Variants in GPR107 observed in about 807,000 individuals in gnomAD.
GPR107 encodes the protein protein GPR107.
Under a neutral mutation model 75.5 loss-of-function variants are expected in GPR107, and 31 were observed. The ratio of observed to expected loss-of-function variants is 0.41; its 90% CI spans 0.31 to 0.55. The LOEUF (loss-of-function observed/expected upper bound fraction) is 0.55, where lower values mean the gene tolerates loss of function less well. Ranked by LOEUF, GPR107 falls within the 20% of genes least tolerant of loss-of-function variation. GPR107 has a pLI of 0.26. For missense variants in GPR107, 572 were observed against 665.7 expected, an observed-to-expected ratio of 0.86 and a Z score of 1.55; for synonymous variants, 267 against 251.3, an observed-to-expected ratio of 1.06 and a Z score of -0.59.
chr9:130,085,535 C>T (rs1159072370), intron 6 of GPR107, among the ~76,000 whole-genome samples: 1 of 151,212 alleles, frequency 6.6e-6, no homozygotes, highest in African/African-American at 2.4e-5. Flanking sequence ...TATCCATCAC[C>T]CCAAAAATTT....
In GPR107 at chr9:130,100,493, G is replaced by C. The variant is rs1830996467; in HGVS notation, c.940-136G>C. 1.3e-5 allele frequency: 9 copies of C among 695,882 alleles called. No homozygotes were observed. The East Asian group carries it at 2.3e-4, about 18-fold the overall frequency. The allele number at this position is 695,882 out of a possible 1,614,324, so 43.1% of individuals were successfully genotyped here. A position where few individuals can be genotyped will look rare whatever the true frequency, so the allele number is the denominator to read the frequency against. ...ACTTGAAAGTGGCCTCCTTGGAAAAGGCAATAATATATCCAGTGGCAGCGT... is the reference window on the plus strand; with the variant it reads ...ACTTGAAAGTGGCCTCCTTGGAAAACGCAATAATATATCCAGTGGCAGCGT... On this transcript the variant is annotated intron_variant, in intron 10 of 17. Coordinates refer to ENST00000347136, the MANE Select transcript of GPR107 (RefSeq NM_020960.5).
rs199790978 is a variant in GPR107 at position 130,132,806 on chromosome 9, A to AAT, written c.1563-2208_1563-2207dup. On this transcript the variant is annotated intron_variant, in intron 17 of 17. Coordinates refer to ENST00000347136, the MANE Select transcript of GPR107 (RefSeq NM_020960.5). The stretch of plus-strand genomic sequence containing the variant: ...ATCTCAAAAAATCAAATAAAAAAAA[A>AAT]ATATATATATATTTTTATATATTTA... Among the ~76,000 whole-genome samples, 675 of 132,204 alleles carry AAT rather than the reference A, an allele frequency of 5.1e-3. 6 individuals carry two copies. The highest frequency in any genetic ancestry group is 0.019 in the African/African-American group (645 of 34,518). The allele number at this position is 132,204 out of a possible 152,430, so 86.7% of individuals were successfully genotyped here. A position where few individuals can be genotyped will look rare whatever the true frequency, so the allele number is the denominator to read the frequency against.
At chr9:130,065,396 C>T (rs1830044136) in intron 1 of GPR107, among the ~76,000 whole-genome samples, 1 of 151,452 alleles carries the variant, frequency 6.6e-6, no homozygotes, top group Non-Finnish European at 1.5e-5. Flanking sequence ...GAGATCGCAC[C>T]ATTGCACTCC....
intron 14 of GPR107, among the ~76,000 whole-genome samples, chr9:130,115,698 G>GAA (rs1831408685): frequency 7.0e-6 from 1 of 143,868 alleles, no homozygotes; most frequent in Non-Finnish European, 1.5e-5. Flanking sequence ...CCGGGAGACA[G>GAA]CTTGCAGTGA....
At chr9:130,093,265 G>A (rs375124093) in intron 9 of GPR107, among the ~76,000 whole-genome samples, 2 of 152,208 alleles carry the variant, frequency 1.3e-5, no homozygotes, top group East Asian at 3.9e-4. Flanking sequence ...CTTGAGGGGA[G>A]CAGCTGCATA....
chr9:130,072,722 G>A (rs4837450), intron 1 of GPR107, among the ~76,000 whole-genome samples: 5 of 151,492 alleles, frequency 3.3e-5, no homozygotes, highest in African/African-American at 1.2e-4. Flanking sequence ...ATTTATGTTG[G>A]GGGGGGAACT....
intron 9 of GPR107, among the ~76,000 whole-genome samples, chr9:130,098,433 T>C (rs1053768535): frequency 1.7e-4 from 26 of 152,178 alleles, no homozygotes; most frequent in African/African-American, 6.3e-4. Context: ...TACTCTGGGC[T>C]GCAGACTTCC....
At chr9:130,111,329 C>G (rs1374392634) in intron 14 of GPR107, among the ~76,000 whole-genome samples, 1 of 151,904 alleles carries the variant, frequency 6.6e-6, no homozygotes, top group Non-Finnish European at 1.5e-5. Flanking sequence ...AAAACTGTGG[C>G]AGACCAGCCT....
chr9:130,085,450 A>G (rs2132579803), intron 6 of GPR107, among the ~76,000 whole-genome samples: 1 of 152,290 alleles, frequency 6.6e-6, no homozygotes, highest in Admixed American at 6.5e-5. Flanking sequence ...GTTGAAGTAT[A>G]ATTGACCTAA....
Position 130,106,828 on chromosome 9 carries a change from C to G in GPR107, c.1263-668C>G, listed in dbSNP as rs116837844. Reference sequence around the variant, plus strand: ...GACAGTGTCAGACCACAGCCGCCTTCCCTCACACAGCCTGTCTGCCTGTGC... The same window carrying G: ...GACAGTGTCAGACCACAGCCGCCTTGCCTCACACAGCCTGTCTGCCTGTGC... On this transcript the variant is annotated intron_variant, in intron 13 of 17. Coordinates refer to ENST00000347136, the MANE Select transcript of GPR107 (RefSeq NM_020960.5). Among the ~76,000 whole-genome samples the G allele has an allele frequency of 2.7e-3, 414 of 152,078 alleles. 1 individual carries two copies. The highest frequency in any genetic ancestry group is 9.4e-3 in the African/African-American group (389 of 41,480).
intron 1 of GPR107, among the ~76,000 whole-genome samples, chr9:130,068,587 G>C (rs181101403): frequency 6.6e-6 from 1 of 152,084 alleles, no homozygotes; most frequent in Admixed American, 6.6e-5. Flanking sequence ...ACTAAATTGA[G>C]GTATCATTAC....
intron 17 of GPR107, among the ~76,000 whole-genome samples, chr9:130,131,377 C>G (rs1831824279): frequency 6.6e-6 from 1 of 152,110 alleles, no homozygotes; most frequent in Admixed American, 6.5e-5. Context: ...CCCTGGGCAT[C>G]TGCCATCAGG....
chr9:130,111,649 G>C (rs941120350), intron 14 of GPR107, among the ~76,000 whole-genome samples: 14 of 151,574 alleles, frequency 9.2e-5, no homozygotes, highest in African/African-American at 3.4e-4. Flanking sequence ...TTCCTGCATT[G>C]GGGTGAATAC....
intron 5 of GPR107, among the ~76,000 whole-genome samples, chr9:130,080,704 G>A (rs887533445): frequency 4.0e-5 from 6 of 151,088 alleles, no homozygotes; most frequent in South Asian, 2.1e-4. Flanking sequence ...TGTTAGCTAG[G>A]ATGGTCTCGA....
chr9:130,073,972 G>C (rs1278492626), intron 1 of GPR107, among the ~76,000 whole-genome samples: 1 of 152,166 alleles, frequency 6.6e-6, no homozygotes, highest in African/African-American at 2.4e-5. Context: ...GGCCAGGCTG[G>C]TCTCGAACTC....
chr9:130,130,384 G>A (rs1170916389), intron 17 of GPR107, among the ~76,000 whole-genome samples: 1 of 152,222 alleles, frequency 6.6e-6, no homozygotes, highest in Non-Finnish European at 1.5e-5. Context: ...TCCTGGGCCA[G>A]GAGGTTTTCT....
At position 130,103,035 on chromosome 9, in the gene GPR107, T is replaced by C. The variant is rs1244939129; in HGVS notation, c.1132-1385T>C. 2.0e-5 allele frequency among the ~76,000 whole-genome samples: 3 copies of C among 152,008 alleles called. No individual in the cohort carries two copies. Among genetic ancestry groups the C allele is most frequent in the Non-Finnish European group, 2.9e-5 (2 of 68,012 alleles). Reference sequence around the variant, plus strand: ...CAAACTCCTGGGCTCAAGCAATCCTTCTGCCTTGGCTCCCCAAATTTCTGG... The same window carrying C: ...CAAACTCCTGGGCTCAAGCAATCCTCCTGCCTTGGCTCCCCAAATTTCTGG... On this transcript the variant is annotated intron_variant, in intron 12 of 17. Coordinates refer to ENST00000347136, the MANE Select transcript of GPR107 (RefSeq NM_020960.5). The surrounding 1 kb of genome is among the most constrained non-coding windows in gnomAD (Gnocchi z 4.3).
At chr9:130,064,495 C>T (rs138327397) in intron 1 of GPR107, among the ~76,000 whole-genome samples, 203 of 152,256 alleles carry the variant, frequency 1.3e-3, no homozygotes, top group African/African-American at 4.0e-3. Flanking sequence ...CCACCGCGCC[C>T]GGCCAAAATA....
In GPR107 at chr9:130,127,558, C is replaced by G. The variant is rs1191384933; in HGVS notation, c.1432C>G (p.Leu478Val). The G allele has an allele frequency of 1.3e-6, 2 of 1,571,314 alleles. No individual in the cohort carries two copies. The highest frequency in any genetic ancestry group is 1.7e-5 in the Admixed American group (1 of 59,978). ...KLAVPFQWKW[L>V]YQLLDETATL... ...CGCTGTTCCATTCCAGTGGAAGTGG[C>G]TCTACCAGGTACGCTGCTCACAGGG... Residue 478 changes from leucine (L) to valine (V), a missense_variant, in exon 16 of 18, where the codon CTC (leucine) becomes GTC (valine). Coordinates refer to ENST00000347136, the MANE Select transcript of GPR107 (RefSeq NM_020960.5).
Sources: allele counts gnomAD v4.1 joint callset (sites outside exome capture counted in the v4.1 genomes callset), GRCh38; gene constraint gnomAD v4.1.1; non-coding constraint Gnocchi (gnomAD v3.1); transcripts MANE v1.5; gene names NCBI Gene and HGNC (gene_info 2026-07-23, HGNC 2026-07-21).